Variants in CLHC1 observed in about 807,000 individuals in gnomAD.
CLHC1 encodes clathrin heavy chain linker domain containing 1, also known as clathrin heavy chain linker domain-containing protein 1.
A neutral mutation model predicts 69.5 loss-of-function variants in CLHC1; 72 were observed. The ratio of observed to expected loss-of-function variants is 1.04; its 90% confidence interval spans 0.86 to 1.26. The LOEUF is 1.26. Among genes scored for constraint, CLHC1 ranks in the 50% most tolerant of loss-of-function variants. The pLI is 0.00. For synonymous variants in CLHC1, 223 were observed against 224.3 expected, an observed-to-expected ratio of 0.99 and a Z score of 0.05; for missense variants, 790 against 679.3, an observed-to-expected ratio of 1.16 and a Z score of -1.81.
At chr2:55,178,287 A>G (rs564755020) in intron 11 of CLHC1, among the ~76,000 whole-genome samples, 24 of 152,290 alleles carry the variant, frequency 1.6e-4, no homozygotes, top group Non-Finnish European at 3.2e-4. Context: ...TTTTTTTCCT[A>G]AAACTATCAA....
intron 9 of CLHC1, among the ~76,000 whole-genome samples, chr2:55,185,867 A>G (rs116767053): frequency 0.011 from 1,699 of 152,346 alleles, 15 homozygotes; most frequent in Non-Finnish European, 0.017. Context: ...TTTTATTAGA[A>G]GTTCTGCTTC....
chr2:55,177,132 C>G (rs1429148862), intron 12 of CLHC1, among the ~76,000 whole-genome samples: 1 of 152,194 alleles, frequency 6.6e-6, no homozygotes, highest in Non-Finnish European at 1.5e-5. Context: ...CTCAGCCCCC[C>G]AAAGTGCTGG....
intron 9 of CLHC1, among the ~76,000 whole-genome samples, chr2:55,184,722 G>T (rs10197309): frequency 0.52 from 78,889 of 151,556 alleles, 21,082 homozygotes; most frequent in African/African-American, 0.63. Context: ...CTAACCAACA[G>T]GGTGAAACCC....
At chr2:55,224,725 A>T (rs1290468058) in intron 2 of CLHC1, 9 of 291,184 alleles carry the variant, frequency 3.1e-5, no homozygotes. Context: ...TTCTACTTCA[A>T]GAGATTCTGC....
At chr2:55,225,689 C>G (rs1300957387) in intron 2 of CLHC1, 1 of 152,454 alleles carries the variant, frequency 6.6e-6, no homozygotes, top group African/African-American at 2.4e-5. Context: ...GTCCTGGATG[C>G]CTTCGAAGCC....
At chr2:55,180,752 C>A in intron 10 of CLHC1, 40 bp from the exon 11 acceptor site, 1 of 1,526,478 alleles carries the variant, frequency 6.6e-7, no homozygotes, top group Non-Finnish European at 9.1e-7. Flanking sequence ...TTAGAAAATT[C>A]CTGATGAGTG....
chr2:55,200,672 C>A (rs2103863411), intron 9 of CLHC1, among the ~76,000 whole-genome samples: 1 of 152,222 alleles, frequency 6.6e-6, no homozygotes, highest in South Asian at 2.1e-4. Flanking sequence ...GCACTATAGA[C>A]AAAATGGATC....
At chr2:55,215,255 A>C (rs541800390) in intron 4 of CLHC1, 1 of 152,350 alleles carries the variant, frequency 6.6e-6, no homozygotes, top group Non-Finnish European at 1.5e-5. Flanking sequence ...AAGCATCAGA[A>C]AGTCAAAATC....
intron 9 of CLHC1, among the ~76,000 whole-genome samples, chr2:55,202,761 T>C (rs950027093): frequency 2.6e-5 from 4 of 151,620 alleles, no homozygotes; most frequent in African/African-American, 9.7e-5. Flanking sequence ...TAGCTGGGCA[T>C]GGTGGTGCAC....
chr2:55,199,942 G>A (rs1461621874), intron 9 of CLHC1, among the ~76,000 whole-genome samples: 1 of 152,020 alleles, frequency 6.6e-6, no homozygotes, highest in African/African-American at 2.4e-5. Flanking sequence ...ACATAGAGTG[G>A]GCCAGACACA....
chr2:55,224,052 C>G (rs536779715), intron 2 of CLHC1: 180 of 157,218 alleles, frequency 1.1e-3, no homozygotes, highest in Non-Finnish European at 2.1e-3. Context: ...GCCTCGACCT[C>G]CCAAAGTGCT....
In CLHC1 at chr2:55,187,044, A is replaced by G. The variant is rs188304675; in HGVS notation, c.1007-5300T>C. Among the ~76,000 whole-genome samples the G allele has an allele frequency of 9.2e-4, 139 of 151,816 alleles. 1 individual carries two copies. The East Asian group carries it at 0.017, about 19-fold the overall frequency. On this transcript the variant is annotated intron_variant, in intron 9 of 12. Transcript: ENST00000401408. ...CACTTTGGGAGGCTGCAACAGGTGG[A>G]TCACCTGAGGTCAGGAGTTTGAGAT... is the stretch of plus-strand genomic sequence containing the variant.
intron 11 of CLHC1, among the ~76,000 whole-genome samples, chr2:55,179,632 G>A (rs1669723373): frequency 6.6e-6 from 1 of 152,024 alleles, no homozygotes; most frequent in African/African-American, 2.4e-5. Flanking sequence ...ATCAGGACAG[G>A]CACTGGCCTG....
intron 8 of CLHC1, among the ~76,000 whole-genome samples, chr2:55,207,744 T>C (rs1452586568): frequency 6.6e-6 from 1 of 152,094 alleles, no homozygotes; most frequent in Admixed American, 6.6e-5. Context: ...GGAAAAGGAA[T>C]TGAAGATAGC....
chr2:55,215,774 G>A (rs1256072778), intron 4 of CLHC1, among the ~76,000 whole-genome samples: 2 of 152,088 alleles, frequency 1.3e-5, no homozygotes, highest in Admixed American at 6.5e-5. Context: ...ATGTTCTCGG[G>A]TCCAAAGCAG....
At chr2:55,198,652 A>G (rs116750625) in intron 9 of CLHC1, among the ~76,000 whole-genome samples, 2,420 of 152,270 alleles carry the variant, frequency 0.016, 69 homozygotes, top group African/African-American at 0.056. Context: ...AGCTATCAAT[A>G]TTCAAGTACA....
intron 5 of CLHC1, among the ~76,000 whole-genome samples, chr2:55,211,437 G>C (rs6720077): frequency 0.32 from 47,229 of 148,224 alleles, 7,654 homozygotes; most frequent in African/African-American, 0.38. Context: ...AGGAGGCGGA[G>C]CTTGCAGTGA....
intron 9 of CLHC1, among the ~76,000 whole-genome samples, chr2:55,202,951 T>C (rs182585167): frequency 3.0e-4 from 44 of 146,374 alleles, no homozygotes; most frequent in East Asian, 1.8e-3. Context: ...AGTTGAAAGA[T>C]ACAAAATCAA....
At chr2:55,221,842 T>C (rs1674152512) in intron 3 of CLHC1, among the ~76,000 whole-genome samples, 1 of 152,102 alleles carries the variant, frequency 6.6e-6, no homozygotes, top group South Asian at 2.1e-4. Context: ...TCAGGAGTGG[T>C]GGCACAAGTC....
Sources: allele counts gnomAD v4.1 joint callset (sites outside exome capture counted in the v4.1 genomes callset), GRCh38; gene constraint gnomAD v4.1.1; transcripts MANE v1.5; gene names NCBI Gene and HGNC (gene_info 2026-07-23, HGNC 2026-07-21).